The following PRUNE2 variants were observed in gnomAD, a reference collection of about 807,000 sequenced individuals.
The protein encoded by PRUNE2 is protein prune homolog 2.
Under a neutral mutation model 252.0 loss-of-function variants are expected in PRUNE2, and 164 were observed. The observed-to-expected ratio is 0.65, with a 90% confidence interval of 0.57 to 0.74. PRUNE2 has a LOEUF of 0.74. Among genes scored for constraint, PRUNE2 ranks in the 30% least tolerant of loss-of-function variants. PRUNE2 has a pLI of 0.00. For synonymous variants in PRUNE2, 1,292 were observed against 1,350.2 expected, an observed-to-expected ratio of 0.96 and a Z score of 0.94; for missense variants, 3,495 against 3,711.0, an observed-to-expected ratio of 0.94 and a Z score of 1.51.
At chr9:76,785,833 A>C (rs924052920) in intron 6 of PRUNE2, 3 of 152,108 alleles carry the variant, frequency 2.0e-5, no homozygotes, top group Non-Finnish European at 4.4e-5. Context: ...TTCAAATGGC[A>C]CTATGAGCTG....
At chr9:76,831,862 T>C (rs1189765941) in intron 4 of PRUNE2, among the ~76,000 whole-genome samples, 2 of 152,138 alleles carry the variant, frequency 1.3e-5, no homozygotes, top group Non-Finnish European at 2.9e-5. Flanking sequence ...GACAATATAC[T>C]GCTTACCAGA....
intron 9 of PRUNE2, among the ~76,000 whole-genome samples, chr9:76,688,505 ATTC>A (rs1330860452): frequency 2.6e-5 from 4 of 152,200 alleles, no homozygotes; most frequent in Admixed American, 1.3e-4. Flanking sequence ...GGGCTTGCCA[ATTC>A]TTCTGTGGGC....
chr9:76,629,619 C>G (rs1414278988), intron 15 of PRUNE2, among the ~76,000 whole-genome samples: 1 of 147,468 alleles, frequency 6.8e-6, no homozygotes, highest in African/African-American at 2.5e-5. Flanking sequence ...TTTTTTGATA[C>G]TTAAAATCTA....
chr9:76,825,628 T>G (rs2058301594), intron 5 of PRUNE2, among the ~76,000 whole-genome samples: 1 of 152,242 alleles, frequency 6.6e-6, no homozygotes, highest in South Asian at 2.1e-4. Context: ...ACCTGCCTGC[T>G]ATGTGTGTTT....
chr9:76,827,457 T>C (rs1312542892), intron 4 of PRUNE2, among the ~76,000 whole-genome samples: 1 of 152,166 alleles, frequency 6.6e-6, no homozygotes, highest in African/African-American at 2.4e-5. Flanking sequence ...ATACGTACTC[T>C]TACTCTTCCC....
intron 15 of PRUNE2, among the ~76,000 whole-genome samples, chr9:76,635,674 T>C (rs1346928486): frequency 6.6e-6 from 1 of 152,160 alleles, no homozygotes; most frequent in Non-Finnish European, 1.5e-5. Flanking sequence ...AAGTTTATCT[T>C]TTTCCCCAGA....
chr9:76,718,952 A>C (rs2135193595), intron 6 of PRUNE2, among the ~76,000 whole-genome samples: 1 of 152,190 alleles, frequency 6.6e-6, no homozygotes, highest in South Asian at 2.1e-4. Context: ...TCCTATTAAC[A>C]TTGCCTTTAA....
chr9:76,815,912 A>G (rs958758269), intron 6 of PRUNE2, among the ~76,000 whole-genome samples: 1 of 152,094 alleles, frequency 6.6e-6, no homozygotes, highest in Non-Finnish European at 1.5e-5. Context: ...TGTAATCCCA[A>G]CGTTTTAAGA....
At chr9:76,673,314 T>C (rs2041887304) in intron 9 of PRUNE2, among the ~76,000 whole-genome samples, 1 of 147,252 alleles carries the variant, frequency 6.8e-6, no homozygotes, top group South Asian at 2.2e-4. Context: ...AAGAAATGGA[T>C]AAATTCCTGG....
At chr9:76,789,648 G>T (rs1028970045) in intron 6 of PRUNE2, among the ~76,000 whole-genome samples, 2 of 152,130 alleles carry the variant, frequency 1.3e-5, no homozygotes, top group South Asian at 2.1e-4. Context: ...ATACCACCAA[G>T]CATCCCCGCA....
intron 6 of PRUNE2, chr9:76,758,595 G>A (rs1429783682): frequency 7.2e-5 from 11 of 151,880 alleles, no homozygotes; most frequent in Admixed American, 6.6e-4. Context: ...AAGCCTCAAG[G>A]GCTGCTCCCG....
In PRUNE2 at chr9:76,706,353, A is replaced by G. The variant is rs200073424; in HGVS notation, c.5921T>C (p.Phe1974Ser). 20 of 1,613,840 alleles carry G rather than the reference A, an allele frequency of 1.2e-5. No individual in the cohort carries two copies. The highest frequency in any genetic ancestry group is 3.3e-5 in the South Asian group (3 of 91,084). ...LPVCDHPDTA[F>S]THAEENSCVT... ...ACAACTATTTTCCTCTGCGTGAGTA[A>G]AGGCTGTGTCCGGATGATCACAGAC... is the stretch of plus-strand genomic sequence containing the variant. The change falls in exon 8 of 19, where the codon TTT becomes TCT. Residue 1974 changes from phenylalanine to serine, a missense_variant. By Grantham distance (155) the Phe-to-Ser change is radical. Transcript: ENST00000376718.
At chr9:76,625,213 C>T (rs930602368) in intron 16 of PRUNE2, among the ~76,000 whole-genome samples, 2 of 152,162 alleles carry the variant, frequency 1.3e-5, no homozygotes, top group African/African-American at 4.8e-5. Flanking sequence ...AGTGATGGAC[C>T]ACATATATGG....
chr9:76,709,912 C>T lies in PRUNE2; in HGVS notation c.2362G>A (p.Asp788Asn), dbSNP rs1485114903. 1 of 1,613,852 alleles carries T rather than the reference C, an allele frequency of 6.2e-7. No homozygotes were observed. Residue 788 changes from aspartate to asparagine, a missense_variant, in exon 8 of 19, where the codon GAT becomes AAT. Transcript: ENST00000376718. The part of the protein sequence containing the change: ...MPEPWGNPTD[D>N]GEPAAVAPFP... ...GGCGCCACAGCTGCTGGTTCACCAT[C>T]ATCTGTAGGATTTCCCCAGGGCTCG...
chr9:76,662,014 T>A (rs1381468825), intron 9 of PRUNE2, among the ~76,000 whole-genome samples: 2 of 152,086 alleles, frequency 1.3e-5, no homozygotes, highest in Non-Finnish European at 2.9e-5. Context: ...CCAATCACAG[T>A]TTGGAGACTA....
At chr9:76,860,517 T>A (rs957645784) in intron 1 of PRUNE2, among the ~76,000 whole-genome samples, 7 of 152,238 alleles carry the variant, frequency 4.6e-5, no homozygotes, top group Non-Finnish European at 7.3e-5. Context: ...TCCGTTACTG[T>A]TATCATTTCT....
intron 15 of PRUNE2, among the ~76,000 whole-genome samples, chr9:76,634,681 C>G (rs562925526): frequency 5.9e-5 from 9 of 152,340 alleles, no homozygotes; most frequent in African/African-American, 1.9e-4. Flanking sequence ...CTCTGAACCT[C>G]TCCTGGTTCT....
At chr9:76,636,720 C>T (rs889419127) in intron 14 of PRUNE2, among the ~76,000 whole-genome samples, 163 bp from the exon 15 acceptor site, 2 of 151,966 alleles carry the variant, frequency 1.3e-5, no homozygotes, top group African/African-American at 4.8e-5. Flanking sequence ...GGCAGATCAC[C>T]TGAGGTCAGG....
chr9:76,670,193 C>T (rs1270206012), intron 9 of PRUNE2, among the ~76,000 whole-genome samples: 23 of 152,212 alleles, frequency 1.5e-4, no homozygotes, highest in Middle Eastern at 3.4e-3. Context: ...AGTGGGTGCG[C>T]GCACCGTGCG....
Sources: allele counts gnomAD v4.1 joint callset (sites outside exome capture counted in the v4.1 genomes callset), GRCh38; gene constraint gnomAD v4.1.1; transcripts MANE v1.5; gene names NCBI Gene and HGNC (gene_info 2026-07-23, HGNC 2026-07-21).